VOPP1: variants seen among roughly 807,000 people sequenced by gnomAD.
The protein encoded by VOPP1 is VOPP1 WW domain binding protein.
Under a neutral mutation model 23.5 loss-of-function variants are expected in VOPP1, and 8 were observed. That is an observed-to-expected ratio of 0.34 (90% CI 0.20 to 0.61). The LOEUF is 0.61. Ranked by LOEUF, VOPP1 falls within the 20% of genes least tolerant of loss-of-function variation. The probability of loss-of-function intolerance (pLI) is 0.78; values close to 1 mark genes in which losing one functional copy is unlikely to be tolerated. For missense variants in VOPP1, 174 were observed against 238.1 expected, an observed-to-expected ratio of 0.73 and a Z score of 1.77; for synonymous variants, 83 against 97.3, an observed-to-expected ratio of 0.85 and a Z score of 0.86.
chr7:55,520,689 C>T (rs759163379), intron 2 of VOPP1, among the ~76,000 whole-genome samples: 4 of 152,242 alleles, frequency 2.6e-5, no homozygotes, highest in African/African-American at 7.2e-5. Context: ...ACAGTGGCTC[C>T]GCTGAGGACT....
intron 2 of VOPP1, among the ~76,000 whole-genome samples, chr7:55,501,501 G>C (rs1027168596): frequency 2.6e-5 from 4 of 152,226 alleles, no homozygotes; most frequent in African/African-American, 9.6e-5. Flanking sequence ...AGGTCTCCCT[G>C]ACTGTAAGGT....
intron 2 of VOPP1, among the ~76,000 whole-genome samples, chr7:55,520,586 G>C (rs1328843554): frequency 4.6e-5 from 7 of 152,232 alleles, no homozygotes; most frequent in African/African-American, 1.7e-4. Context: ...AGAGCCATGA[G>C]AGGCTGTGAC....
intron 4 of VOPP1, among the ~76,000 whole-genome samples, chr7:55,436,411 C>G (rs951412049): frequency 3.3e-5 from 5 of 152,134 alleles, no homozygotes; most frequent in Non-Finnish European, 7.4e-5. Flanking sequence ...ATGGGAAAAG[C>G]CTCTAGTCCG....
downstream of VOPP1, among the ~76,000 whole-genome samples, chr7:55,470,376 G>A (rs1480996618): frequency 6.6e-6 from 1 of 152,180 alleles, no homozygotes; most frequent in Non-Finnish European, 1.5e-5. Context: ...TTAACTTACA[G>A]TATCAACAGT....
At chr7:55,537,804 C>A in intron 1 of VOPP1, 1 of 996,190 alleles carries the variant, frequency 1.0e-6, no homozygotes, top group Non-Finnish European at 1.4e-6. Context: ...CCCACAGCCC[C>A]CACTTCCCCT....
chr7:55,447,383 A>C (rs918478238), intron 4 of VOPP1, among the ~76,000 whole-genome samples: 2 of 152,180 alleles, frequency 1.3e-5, no homozygotes, highest in Admixed American at 1.3e-4. Flanking sequence ...AGGTTTGCTC[A>C]CTGAAGAAAT....
At chr7:55,473,452 T>C (rs1429053118) in intron 4 of VOPP1, among the ~76,000 whole-genome samples, 1 of 152,076 alleles carries the variant, frequency 6.6e-6, no homozygotes, top group Non-Finnish European at 1.5e-5. Context: ...TGAAGTAAGG[T>C]CTCCATTCTC....
At chr7:55,553,341 A>G (rs945518062) in intron 1 of VOPP1, among the ~76,000 whole-genome samples, 25 of 152,318 alleles carry the variant, frequency 1.6e-4, no homozygotes, top group Non-Finnish European at 1.5e-4. Context: ...AGTCACCAGT[A>G]AAAACCTCTT....
chr7:55,452,219 G>T (rs550941421), intron 4 of VOPP1, among the ~76,000 whole-genome samples: 9 of 152,168 alleles, frequency 5.9e-5, no homozygotes, highest in Non-Finnish European at 1.2e-4. Context: ...CTCATCCATA[G>T]GAAGAAATAC....
At chr7:55,520,374 A>G (rs1795759498) in intron 2 of VOPP1, among the ~76,000 whole-genome samples, 1 of 152,200 alleles carries the variant, frequency 6.6e-6, no homozygotes, top group Non-Finnish European at 1.5e-5. Flanking sequence ...AGGAACTTCA[A>G]AACAGAATCA....
intron 4 of VOPP1, among the ~76,000 whole-genome samples, chr7:55,482,441 G>A (rs563976815): frequency 4.8e-5 from 7 of 146,434 alleles, no homozygotes; most frequent in South Asian, 2.2e-4. Flanking sequence ...TCTGCCTCCC[G>A]AGTAGCTGGG....
chr7:55,509,658 T>A (rs76351441), intron 2 of VOPP1, among the ~76,000 whole-genome samples: 1 of 152,330 alleles, frequency 6.6e-6, no homozygotes, highest in Admixed American at 6.5e-5. Context: ...CTGGACTACA[T>A]CCTGCCCTCT....
At chr7:55,483,843 G>A (rs529125242) in intron 4 of VOPP1, among the ~76,000 whole-genome samples, 15 of 152,202 alleles carry the variant, frequency 9.9e-5, no homozygotes, top group East Asian at 3.9e-4. Flanking sequence ...TGCAACCTCC[G>A]CCTCCTGGGT....
At chr7:55,497,253 T>A (rs1794018681) in intron 3 of VOPP1, among the ~76,000 whole-genome samples, 1 of 152,182 alleles carries the variant, frequency 6.6e-6, no homozygotes, top group Admixed American at 6.5e-5. Context: ...GAAAACTCGA[T>A]CGCCTGCCAG....
chr7:55,437,566 A>G (rs2128998291), intron 4 of VOPP1, among the ~76,000 whole-genome samples: 1 of 152,296 alleles, frequency 6.6e-6, no homozygotes, highest in South Asian at 2.1e-4. Context: ...TCATCTGATA[A>G]TAGGCCTAGT....
At chr7:55,486,906 T>C (rs927437940) in intron 4 of VOPP1, among the ~76,000 whole-genome samples, 13 of 152,282 alleles carry the variant, frequency 8.5e-5, no homozygotes, top group East Asian at 3.9e-4. Context: ...CCACACACCC[T>C]GGGTCCATCT....
chr7:55,556,645 C>CA (rs1554301473), intron 1 of VOPP1, among the ~76,000 whole-genome samples: 3 of 151,112 alleles, frequency 2.0e-5, no homozygotes, highest in East Asian at 3.9e-4. Context: ...AACCCCCCCC[C>CA]AAAACACTTC....
At chr7:55,531,062 T>G (rs1420864159) in intron 1 of VOPP1, among the ~76,000 whole-genome samples, 1 of 152,286 alleles carries the variant, frequency 6.6e-6, no homozygotes, top group African/African-American at 2.4e-5. Flanking sequence ...TACTTAGAGG[T>G]GCCATTTTAG....
At chr7:55,562,051 T>A (rs1798007947) in intron 1 of VOPP1, 1 of 703,244 alleles carries the variant, frequency 1.4e-6, no homozygotes, top group South Asian at 1.5e-5. Context: ...GCAATGTGCA[T>A]CTGTTAAAAA....
Sources: allele counts gnomAD v4.1 joint callset (sites outside exome capture counted in the v4.1 genomes callset), GRCh38; gene constraint gnomAD v4.1.1; transcripts MANE v1.5; gene names NCBI Gene and HGNC (gene_info 2026-07-23, HGNC 2026-07-21).